Variants in TEX14 observed in about 807,000 individuals in gnomAD.
TEX14 encodes testis expressed 14, intercellular bridge forming factor.
TEX14 carries 168 observed loss-of-function variants against 178.6 expected under a neutral mutation model. The observed-to-expected ratio is 0.94, with a 90% CI of 0.83 to 1.07. TEX14 has a LOEUF of 1.07. Among genes scored for constraint, TEX14 ranks in the 50% least tolerant of loss-of-function variants. The pLI is 0.00. For missense variants in TEX14, 1,730 were observed against 1,753.6 expected, an observed-to-expected ratio of 0.99 and a Z score of 0.24; for synonymous variants, 626 against 634.1, an observed-to-expected ratio of 0.99 and a Z score of 0.19.
At chr17:58,677,346 A>G (rs889211716) in intron 1 of TEX14, among the ~76,000 whole-genome samples, 1 of 152,204 alleles carries the variant, frequency 6.6e-6, no homozygotes, top group Non-Finnish European at 1.5e-5. Flanking sequence ...CATTTGACTC[A>G]GCCAACATAT....
intron 1 of TEX14, among the ~76,000 whole-genome samples, chr17:58,681,039 T>C (rs2047492398): frequency 6.6e-6 from 1 of 152,110 alleles, no homozygotes; most frequent in Non-Finnish European, 1.5e-5. Flanking sequence ...CCCAGCACTT[T>C]GGGAGGCTGA....
intron 18 of TEX14, 24 bp from the exon 19 acceptor site, chr17:58,584,624 G>T (rs773624012): frequency 6.5e-7 from 1 of 1,530,444 alleles, no homozygotes; most frequent in Admixed American, 1.7e-5. Flanking sequence ...CACAGTCAGG[G>T]TCAAAGTCAT....
At chr17:58,592,064 A>G (rs527809983) in intron 15 of TEX14, among the ~76,000 whole-genome samples, 18 of 145,172 alleles carry the variant, frequency 1.2e-4, no homozygotes, top group African/African-American at 4.5e-4. Context: ...ACTCCATCTC[A>G]AAAAAAAAAA....
rs958561894 is a variant in TEX14 at position 58,622,464 on chromosome 17, C to T, written c.417+383G>A. Among the ~76,000 whole-genome samples the T allele has an allele frequency of 2.6e-5, 4 of 151,634 alleles. No individual in the cohort carries two copies. In the East Asian group the frequency reaches 7.7e-4, roughly 29 times the overall value. On this transcript the variant is annotated intron_variant, in intron 4 of 31. Transcript: ENST00000349033. ...AAAAAAAAAAAAAAATTCCCACCTGCCAAACAAAGTTACTTAATGTCAGTG... is the reference window on the plus strand; with the variant it reads ...AAAAAAAAAAAAAAATTCCCACCTGTCAAACAAAGTTACTTAATGTCAGTG...
intron 5 of TEX14, among the ~76,000 whole-genome samples, chr17:58,620,491 C>A (rs904210415): frequency 6.6e-6 from 1 of 150,550 alleles, no homozygotes; most frequent in African/African-American, 2.5e-5. Context: ...CCAACACACT[C>A]GGCTAATATT....
At chr17:58,622,810 C>G in intron 4 of TEX14, 37 bp downstream of exon 4, 1 of 1,574,534 alleles carries the variant, frequency 6.4e-7, no homozygotes. Flanking sequence ...CAGTACTCTT[C>G]TAGTGGGCAT....
At chr17:58,600,228 T>TAAC (rs895495223) in intron 13 of TEX14, among the ~76,000 whole-genome samples, 2 of 152,186 alleles carry the variant, frequency 1.3e-5, no homozygotes, top group African/African-American at 4.8e-5. Context: ...GAGCATCTGA[T>TAAC]AACAGTAGCC....
Position 58,640,644 on chromosome 17 carries a change from T to TGTGAGA in TEX14, c.137-10091_137-10090insTCTCAC, listed in dbSNP as rs1555577606. Reference sequence around the variant, plus strand: ...GTGTGTGTGTGTGTGTGTGTGTGTGTGAGAGAGAGAGAGAGAATGATAAAT... The same window carrying TGTGAGA: ...GTGTGTGTGTGTGTGTGTGTGTGTGTGTGAGAGAGAGAGAGAGAGAGAATGATAAAT... On this transcript the variant is annotated intron_variant, in intron 2 of 31. Coordinates refer to ENST00000349033, the MANE Select transcript of TEX14 (RefSeq NM_031272.5). Among the ~76,000 whole-genome samples, 1,177 of 147,116 alleles carry TGTGAGA rather than the reference T, an allele frequency of 8.0e-3. 16 individuals carry two copies. The highest frequency in any genetic ancestry group is 0.066 in the South Asian group (300 of 4,524).
intron 3 of TEX14, among the ~76,000 whole-genome samples, chr17:58,629,644 G>A (rs1041179778): frequency 6.6e-6 from 1 of 151,638 alleles, no homozygotes; most frequent in African/African-American, 2.4e-5. Context: ...GACCAACCTG[G>A]CTAGCATCAT....
intron 2 of TEX14, among the ~76,000 whole-genome samples, chr17:58,644,638 CTTTTTTTTTT>C (rs34373378): frequency 5.1e-5 from 2 of 39,578 alleles, no homozygotes; most frequent in South Asian, 1.2e-3. Context: ...CCGCACCTGG[CTTTTTTTTTT>C]TTTTTTTTTT....
At chr17:58,684,548 T>A (rs760491836) in intron 1 of TEX14, among the ~76,000 whole-genome samples, 7 of 150,564 alleles carry the variant, frequency 4.6e-5, no homozygotes, top group African/African-American at 1.5e-4. Context: ...GGCAGGAGAA[T>A]CACTTGAACC....
chr17:58,581,317 T>TA (rs879540710), intron 19 of TEX14, among the ~76,000 whole-genome samples: 121 of 132,664 alleles, frequency 9.1e-4, no homozygotes, highest in South Asian at 1.2e-3. Flanking sequence ...TCTCAAAAAT[T>TA]AAAAAAAAAA....
rs1269737408 is a variant in TEX14, at chr17:58,601,958, T to C, written c.1528-2A>G. On this transcript the variant is annotated splice_acceptor_variant, in intron 12 of 31. Coordinates refer to ENST00000349033, the MANE Select transcript of TEX14 (RefSeq NM_031272.5). LOFTEE classifies it high-confidence loss of function. ...AGTTCTCTGGGCTCCAGTAAAATCCTGTAACACAGGAAATATTGTCAAGGA... is the reference window on the plus strand; with the variant it reads ...AGTTCTCTGGGCTCCAGTAAAATCCCGTAACACAGGAAATATTGTCAAGGA... 2.5e-6 allele frequency: 4 copies of C among 1,612,760 alleles called. No individual in the cohort carries two copies. The South Asian group carries it at 3.3e-5, about 13-fold the overall frequency.
At chr17:58,594,535 T>C (rs1261923389) in intron 14 of TEX14, among the ~76,000 whole-genome samples, 1 of 151,842 alleles carries the variant, frequency 6.6e-6, no homozygotes, top group Non-Finnish European at 1.5e-5. Flanking sequence ...ATATTTCTAG[T>C]AGAGACGTGG....
chr17:58,590,441 CA>C (rs2045103274), intron 15 of TEX14, among the ~76,000 whole-genome samples: 1 of 152,012 alleles, frequency 6.6e-6, no homozygotes, highest in South Asian at 2.1e-4. Flanking sequence ...AATGCAAAAA[CA>C]AAGCATTATT....
intron 3 of TEX14, among the ~76,000 whole-genome samples, chr17:58,625,687 G>T (rs1328585426): frequency 7.9e-5 from 12 of 152,130 alleles, no homozygotes; most frequent in Non-Finnish European, 1.3e-4. Context: ...GGTACACACA[G>T]TGTTCAAAAA....
In TEX14 at chr17:58,599,684, AAAATGC is replaced by A; in HGVS notation, c.1679-24_1679-19del. On this transcript the variant is annotated intron_variant, in intron 13 of 31. Transcript: ENST00000349033. ...TTGACTGCCTATTGAAAAAAACAGC[AAAATGC>A]AACTCATTAAAATGAACATATTTGG... The A allele has an allele frequency of 6.3e-7, 1 of 1,595,898 alleles. No individual in the cohort carries two copies. The highest frequency in any genetic ancestry group is 8.5e-7 in the Non-Finnish European group (1 of 1,170,594).
intron 20 of TEX14, 121 bp from the exon 21 acceptor site, chr17:58,577,577 T>G (rs1238911403): frequency 5.5e-6 from 2 of 360,868 alleles, no homozygotes; most frequent in Non-Finnish European, 9.4e-6. Flanking sequence ...AGAAATAATC[T>G]GGATAAACAA....
intron 9 of TEX14, among the ~76,000 whole-genome samples, chr17:58,611,621 G>C (rs973235883): frequency 3.9e-5 from 6 of 152,222 alleles, no homozygotes; most frequent in African/African-American, 1.4e-4. Context: ...GTGCATCCAG[G>C]ATTGGCTTGG....
Sources: gnomAD v4.1 joint callset for allele counts (sites outside exome capture counted in the v4.1 genomes callset) on GRCh38, gnomAD v4.1.1 for gene constraint, MANE v1.5 for transcripts, NCBI Gene and HGNC (gene_info 2026-07-23, HGNC 2026-07-21) for gene names.